MYH10: variants seen among roughly 807,000 people sequenced by gnomAD.
MYH10 encodes myosin-10.
In MYH10, 55 loss-of-function variants were observed where a neutral mutation model predicts 257.8. The observed-to-expected ratio is 0.21, with a 90% confidence interval of 0.17 to 0.27. The LOEUF (loss-of-function observed/expected upper bound fraction) is 0.27, where lower values mean the gene tolerates loss of function less well. Among genes scored for constraint, MYH10 ranks in the 10% least tolerant of loss-of-function variants. The pLI is 1.00. For missense variants in MYH10, 1,631 were observed against 2,500.6 expected (o/e 0.65, Z 7.42); for synonymous variants, 854 against 921.7 (o/e 0.93, Z 1.33).
intron 6 of MYH10, among the ~76,000 whole-genome samples, chr17:8,574,600 ATCAGGAGCCT>A (rs1567923692): frequency 6.6e-6 from 1 of 152,238 alleles, no homozygotes; most frequent in East Asian, 1.9e-4. Context: ...GACTGACAAA[ATCAGGAGCCT>A]AGAAATGCCC....
intron 16 of MYH10, among the ~76,000 whole-genome samples, chr17:8,532,537 G>T (rs2082033578): frequency 6.6e-6 from 1 of 152,208 alleles, no homozygotes; most frequent in Non-Finnish European, 1.5e-5. Flanking sequence ...TCTGTAATTT[G>T]TATGACATCC....
chr17:8,571,662 G>A (rs1352855393), intron 6 of MYH10, among the ~76,000 whole-genome samples: 1 of 151,940 alleles, frequency 6.6e-6, no homozygotes, highest in Non-Finnish European at 1.5e-5. Flanking sequence ...GGTGCCTGAG[G>A]CAGGAGAATC....
intron 14 of MYH10, among the ~76,000 whole-genome samples, chr17:8,541,018 T>C (rs370274526): frequency 1.3e-5 from 2 of 152,350 alleles, no homozygotes; most frequent in African/African-American, 4.8e-5. Context: ...TTCTTATGTA[T>C]TATAAAAGCC....
At chr17:8,626,033 C>CA (rs1451527537) in intron 1 of MYH10, among the ~76,000 whole-genome samples, 38 of 152,056 alleles carry the variant, frequency 2.5e-4, no homozygotes, top group African/African-American at 4.8e-4. Flanking sequence ...TAAGATGAAA[C>CA]AAAAAATCAC....
chr17:8,581,998 G>A lies in MYH10; in HGVS notation c.531-4660C>T, dbSNP rs567656414. 8.7e-4 allele frequency among the ~76,000 whole-genome samples: 132 copies of A among 152,278 alleles called. 2 individuals carry two copies. Among genetic ancestry groups the A allele is most frequent in the African/African-American group, 2.7e-3 (113 of 41,548 alleles). ...AGACTTCACAGGACTGAGATAATGC[G>A]GGAAAGGGCCTAGCACTGTCCTCGC... On this transcript the variant is annotated intron_variant, in intron 4 of 42. Transcript: ENST00000360416.
At chr17:8,541,352 C>T (rs762956773) in intron 14 of MYH10, among the ~76,000 whole-genome samples, 111 of 152,170 alleles carry the variant, frequency 7.3e-4, no homozygotes, top group Admixed American at 1.4e-3. Context: ...TTACAGATAT[C>T]GGTGGTTAAT....
At position 8,475,678 on chromosome 17, in the gene MYH10, A is replaced by G. The variant is rs1912441266; in HGVS notation, c.*126T>C. On this transcript the variant is annotated 3_prime_UTR_variant, in exon 43 of 43. Transcript: ENST00000360416. The stretch of plus-strand genomic sequence containing the variant: ...AGGATACAGTATGCATAGGCTGGAG[A>G]GCCTTAAGACACAGTTGATCTTTCA... 3.5e-6 allele frequency: 4 copies of G among 1,129,178 alleles called. No individual in the cohort carries two copies. The East Asian group carries it at 9.5e-5, about 27-fold the overall frequency. The allele number at this position is 1,129,178 out of a possible 1,614,324, so 69.9% of individuals were successfully genotyped here.
chr17:8,595,525 C>G (rs538583495), intron 3 of MYH10, among the ~76,000 whole-genome samples: 2 of 150,868 alleles, frequency 1.3e-5, no homozygotes, highest in Non-Finnish European at 2.9e-5. Flanking sequence ...CTCCGCCTCC[C>G]GGGTTCAAGC....
chr17:8,491,205 C>T (rs1228033717), intron 34 of MYH10, among the ~76,000 whole-genome samples: 4 of 152,134 alleles, frequency 2.6e-5, no homozygotes, highest in Non-Finnish European at 4.4e-5. Flanking sequence ...GCAGTTCTCA[C>T]GGGGACAGGC....
chr17:8,508,488 T>C, intron 26 of MYH10, 66 bp downstream of exon 26: 3 of 1,597,436 alleles, frequency 1.9e-6, no homozygotes, highest in Non-Finnish European at 2.6e-6. Context: ...TTGCATGTTC[T>C]GATTACAGTA....
At chr17:8,478,281 C>T in intron 41 of MYH10, 57 bp downstream of exon 41, 1 of 1,434,108 alleles carries the variant, frequency 7.0e-7, no homozygotes, top group Non-Finnish European at 9.8e-7. Context: ...GCCACCAGCT[C>T]ATTCTCCACC....
intron 9 of MYH10, among the ~76,000 whole-genome samples, chr17:8,551,372 A>G (rs537172008): frequency 6.6e-6 from 1 of 152,142 alleles, no homozygotes; most frequent in African/African-American, 2.4e-5. Flanking sequence ...GTCTGTGGTT[A>G]GCAAAAGCCT....
At chr17:8,583,409 C>CT (rs77622480) in intron 4 of MYH10, among the ~76,000 whole-genome samples, 196 of 146,312 alleles carry the variant, frequency 1.3e-3, no homozygotes, top group African/African-American at 3.4e-3. Context: ...TAAATAATAC[C>CT]TTTTTTTTTT....
At chr17:8,573,676 T>C (rs568174249) in intron 6 of MYH10, among the ~76,000 whole-genome samples, 1 of 152,342 alleles carries the variant, frequency 6.6e-6, no homozygotes, top group East Asian at 1.9e-4. Flanking sequence ...GGCTGGTGGA[T>C]ACTAAGGGGA....
intron 4 of MYH10, among the ~76,000 whole-genome samples, chr17:8,584,392 A>C (rs1013981247): frequency 4.6e-5 from 7 of 152,240 alleles, no homozygotes; most frequent in African/African-American, 1.7e-4. Context: ...CCAAGGTTGA[A>C]GCCAGCTGCC....
At chr17:8,549,017 A>G (rs1023428330) in intron 9 of MYH10, among the ~76,000 whole-genome samples, 3 of 152,236 alleles carry the variant, frequency 2.0e-5, no homozygotes, top group Non-Finnish European at 2.9e-5. Flanking sequence ...CAAAAACCTT[A>G]ACAGGAGTTT....
intron 3 of MYH10, among the ~76,000 whole-genome samples, chr17:8,594,424 G>T (rs933883411): frequency 6.6e-6 from 1 of 152,134 alleles, no homozygotes; most frequent in Non-Finnish European, 1.5e-5. Flanking sequence ...AATAAAGATG[G>T]ACAATACCAA....
chr17:8,548,162 G>A, intron 11 of MYH10, 151 bp downstream of exon 11: 1 of 571,206 alleles, frequency 1.8e-6, no homozygotes, highest in Non-Finnish European at 3.1e-6. Flanking sequence ...AGAATCAGAG[G>A]AACCCTCGTG....
At chr17:8,501,830 T>A (rs2080906481) in intron 28 of MYH10, among the ~76,000 whole-genome samples, 1 of 152,240 alleles carries the variant, frequency 6.6e-6, no homozygotes, top group Admixed American at 6.5e-5. Context: ...GCATTAAATA[T>A]CTTTCCATGG....
Sources: gnomAD v4.1 joint callset for allele counts (sites outside exome capture counted in the v4.1 genomes callset) on GRCh38, gnomAD v4.1.1 for gene constraint, MANE v1.5 for transcripts, NCBI Gene and HGNC (gene_info 2026-07-23, HGNC 2026-07-21) for gene names.